The following RASEF variants were observed in gnomAD, a reference collection of about 807,000 sequenced individuals.
RASEF encodes ras and EF-hand domain-containing protein.
In RASEF, 68 loss-of-function variants were observed where a neutral mutation model predicts 90.1. The observed-to-expected ratio is 0.75, with a 90% CI of 0.62 to 0.92. The LOEUF is 0.92. Ranked by LOEUF, RASEF falls within the 40% of genes least tolerant of loss-of-function variation. The pLI, the probability that RASEF is intolerant of heterozygous loss-of-function variation, is 0.00. For synonymous variants in RASEF, 331 were observed against 345.2 expected (o/e 0.96, Z 0.46); for missense variants, 949 against 937.2 (o/e 1.01, Z -0.16).
At chr9:83,217,601 C>T in the RASEF span, among the ~76,000 whole-genome samples, 2 of 152,186 alleles carry the variant, frequency 1.3e-5, no homozygotes, top group South Asian at 2.1e-4. Context: ...CACTCTCTTG[C>T]CTGCTGCCAT....
At chr9:83,032,479 A>G (rs1829664796) in intron 1 of RASEF, among the ~76,000 whole-genome samples, 1 of 152,270 alleles carries the variant, frequency 6.6e-6, no homozygotes, top group Non-Finnish European at 1.5e-5. Flanking sequence ...CAGTCAAGAC[A>G]AAAGAAGTCT....
chr9:83,215,130 A>T, the RASEF span, among the ~76,000 whole-genome samples: 1 of 151,788 alleles, frequency 6.6e-6, no homozygotes, highest in Non-Finnish European at 1.5e-5. Flanking sequence ...GAGTTAGGCC[A>T]CTGGACAGCC....
At chr9:83,158,754 A>G in the RASEF span, among the ~76,000 whole-genome samples, 1 of 147,572 alleles carries the variant, frequency 6.8e-6, no homozygotes, top group African/African-American at 2.5e-5. Flanking sequence ...ATATATGCAT[A>G]TATGTATATA....
chr9:83,164,646 A>G, the RASEF span, among the ~76,000 whole-genome samples: 1 of 151,528 alleles, frequency 6.6e-6, no homozygotes, highest in African/African-American at 2.4e-5. Flanking sequence ...AGGAACAAAC[A>G]AAAATGGTAA....
the RASEF span, among the ~76,000 whole-genome samples, chr9:83,100,147 A>G: frequency 9.9e-5 from 15 of 152,244 alleles, no homozygotes; most frequent in African/African-American, 3.6e-4. Flanking sequence ...CAGAACTTTG[A>G]GCTTGTGAAA....
the RASEF span, among the ~76,000 whole-genome samples, chr9:83,156,728 G>A: frequency 1.3e-5 from 2 of 152,080 alleles, no homozygotes; most frequent in African/African-American, 4.8e-5. Context: ...TTGTGCCTAT[G>A]GTCTCAGCAG....
the RASEF span, among the ~76,000 whole-genome samples, chr9:83,129,780 A>G: frequency 2.6e-5 from 4 of 152,318 alleles, 1 homozygote; most frequent in East Asian, 7.7e-4. Flanking sequence ...GAACTCTCCA[A>G]GTAGGGTTGC....
the RASEF span, among the ~76,000 whole-genome samples, chr9:83,177,181 A>G: frequency 6.6e-6 from 1 of 152,140 alleles, no homozygotes; most frequent in African/African-American, 2.4e-5. Flanking sequence ...TGTCTTTTAT[A>G]ATTACATAAT....
upstream of RASEF, among the ~76,000 whole-genome samples, chr9:83,067,089 C>T (rs954515863): frequency 1.3e-5 from 2 of 151,976 alleles, no homozygotes; most frequent in Admixed American, 6.6e-5. Context: ...TTAGTGGAAA[C>T]CTATTGTAAT....
At chr9:82,987,339 C>A (rs1256348188) in intron 16 of RASEF, among the ~76,000 whole-genome samples, 1 of 152,192 alleles carries the variant, frequency 6.6e-6, no homozygotes, top group African/African-American at 2.4e-5. Flanking sequence ...AACAATAAAA[C>A]AAAAACCTCT....
chr9:83,062,982 G>C lies in RASEF; in HGVS notation c.-115C>G, dbSNP rs1275069674. ...GAGGCCCGGCGAGTTTGGCTCGTCC[G>C]GCTGGTTCGGCCACTTGAGGGAACG... On this transcript the variant is annotated 5_prime_UTR_variant, in exon 1 of 17. Transcript: ENST00000376447. 16 of 1,155,000 alleles carry C rather than the reference G, an allele frequency of 1.4e-5. No individual in the cohort carries two copies. The highest frequency in any genetic ancestry group is 1.8e-5 in the Non-Finnish European group (16 of 878,834). 71.5% of individuals were successfully genotyped at this position (1,155,000 alleles called of 1,614,324 possible).
chr9:83,094,155 C>T, the RASEF span, among the ~76,000 whole-genome samples: 2 of 145,930 alleles, frequency 1.4e-5, no homozygotes, highest in African/African-American at 5.6e-5. Flanking sequence ...TCATGAGATG[C>T]CATTCCTGTT....
At chr9:83,130,375 G>T in the RASEF span, among the ~76,000 whole-genome samples, 1 of 152,020 alleles carries the variant, frequency 6.6e-6, no homozygotes, top group Non-Finnish European at 1.5e-5. Context: ...TCCCATATCA[G>T]AACTGCACAT....
the RASEF span, among the ~76,000 whole-genome samples, chr9:83,079,141 G>C: frequency 1.3e-5 from 2 of 152,194 alleles, no homozygotes; most frequent in African/African-American, 4.8e-5. Context: ...CCTAGGTCCA[G>C]AATGGTTTGC....
At chr9:82,994,652 A>G (rs1367677998) in intron 14 of RASEF, among the ~76,000 whole-genome samples, 1 of 152,220 alleles carries the variant, frequency 6.6e-6, no homozygotes, top group African/African-American at 2.4e-5. Flanking sequence ...CAGATCCTCA[A>G]AAAATAGTTT....
the RASEF span, among the ~76,000 whole-genome samples, chr9:83,159,590 A>C: frequency 6.6e-6 from 1 of 152,236 alleles, no homozygotes; most frequent in Non-Finnish European, 1.5e-5. Flanking sequence ...AACTTATTGT[A>C]AGACATTTTA....
chr9:83,143,079 G>A, the RASEF span, among the ~76,000 whole-genome samples: 3 of 152,170 alleles, frequency 2.0e-5, no homozygotes, highest in Non-Finnish European at 4.4e-5. Context: ...TTATGGACTA[G>A]ATTCTGGGCT....
the RASEF span, among the ~76,000 whole-genome samples, chr9:83,134,930 C>T: frequency 6.6e-6 from 1 of 152,122 alleles, no homozygotes; most frequent in East Asian, 1.9e-4. Context: ...AGTACTGATG[C>T]ATGCTACAGT....
At chr9:83,032,954 CCAGTTAAGTA>C (rs1829672944) in intron 1 of RASEF, among the ~76,000 whole-genome samples, 1 of 152,056 alleles carries the variant, frequency 6.6e-6, no homozygotes, top group Non-Finnish European at 1.5e-5. Context: ...TCTCTGGGAA[CCAGTTAAGTA>C]CAGACAACTT....
Sources: allele counts gnomAD v4.1 joint callset (sites outside exome capture counted in the v4.1 genomes callset), GRCh38; gene constraint gnomAD v4.1.1; transcripts MANE v1.5; gene names NCBI Gene and HGNC (gene_info 2026-07-23, HGNC 2026-07-21).